ADGRV1: variants seen among roughly 807,000 people sequenced by gnomAD.
ADGRV1 encodes G-protein coupled receptor 98.
Under a neutral mutation model 596.2 loss-of-function variants are expected in ADGRV1, and 359 were observed. The observed-to-expected ratio is 0.60, with a 90% CI of 0.55 to 0.66. The LOEUF is 0.66. ADGRV1 is among the 30% of genes least tolerant of loss of function. The probability of loss-of-function intolerance (pLI) is 0.00; values close to 1 mark genes in which losing one functional copy is unlikely to be tolerated. For synonymous variants in ADGRV1, 2,681 were observed against 2,679.2 expected, an observed-to-expected ratio of 1.00 and a Z score of -0.02; for missense variants, 7,274 against 7,575.6, an observed-to-expected ratio of 0.96 and a Z score of 1.48.
At chr5:90,961,498 A>G in intron 83 of ADGRV1, among the ~76,000 whole-genome samples, 1 of 131,592 alleles carries the variant, frequency 7.6e-6, no homozygotes, top group South Asian at 2.7e-4. Context: ...AAAAAAAAAA[A>G]AAAAAAAAAG....
intron 85 of ADGRV1, among the ~76,000 whole-genome samples, chr5:91,032,403 G>A (rs1053681830): frequency 6.6e-6 from 1 of 152,148 alleles, no homozygotes; most frequent in Non-Finnish European, 1.5e-5. Context: ...AAAATGATAG[G>A]CGTTTGGATT....
In ADGRV1 at chr5:90,721,607, A is replaced by T. The variant is rs1019658473; in HGVS notation, c.9748+548A>T. Among the ~76,000 whole-genome samples the T allele has an allele frequency of 5.8e-4, 79 of 136,236 alleles. 4 individuals carry two copies. The highest frequency in any genetic ancestry group is 2.2e-3 in the African/African-American group (75 of 34,710). 89.4% of individuals were successfully genotyped at this position (136,236 alleles called of 152,430 possible). On this transcript the variant is annotated intron_variant, in intron 45 of 89. Transcript: ENST00000405460. ...AAAATAAAATATGTATTTAGTGCCTATGCCAGGCATGGCACTGAACTCGTG... is the reference window on the plus strand; with the variant it reads ...AAAATAAAATATGTATTTAGTGCCTTTGCCAGGCATGGCACTGAACTCGTG...
At chr5:90,661,994 C>T (rs1294223399) in intron 21 of ADGRV1, among the ~76,000 whole-genome samples, 1 of 152,030 alleles carries the variant, frequency 6.6e-6, no homozygotes, top group Admixed American at 6.6e-5. Flanking sequence ...ACTCAGGACC[C>T]CATTCCTGGA....
chr5:91,056,830 C>T (rs1475634417), intron 85 of ADGRV1, among the ~76,000 whole-genome samples: 1 of 152,248 alleles, frequency 6.6e-6, no homozygotes, highest in Admixed American at 6.5e-5. Flanking sequence ...CAAGTTGTCT[C>T]CACTGCTTTA....
At chr5:90,837,972 A>G (rs1015690803) in intron 77 of ADGRV1, among the ~76,000 whole-genome samples, 1 of 151,994 alleles carries the variant, frequency 6.6e-6, no homozygotes, top group African/African-American at 2.4e-5. Context: ...TTCTATTCTT[A>G]TATATTATTT....
At chr5:90,640,220 A>C (rs1391766291) in intron 11 of ADGRV1, among the ~76,000 whole-genome samples, 1 of 152,156 alleles carries the variant, frequency 6.6e-6, no homozygotes, top group African/African-American at 2.4e-5. Flanking sequence ...TTGAAAATGA[A>C]ATACACTGTG....
intron 29 of ADGRV1, among the ~76,000 whole-genome samples, chr5:90,688,261 T>C (rs1351444619): frequency 1.3e-5 from 2 of 152,130 alleles, no homozygotes; most frequent in Non-Finnish European, 1.5e-5. Context: ...AACTATCTGA[T>C]CTTTGACAAA....
At chr5:90,679,112 G>C (rs1744612691) in intron 25 of ADGRV1, among the ~76,000 whole-genome samples, 1 of 152,142 alleles carries the variant, frequency 6.6e-6, no homozygotes, top group South Asian at 2.1e-4. Context: ...TGGATGGAAG[G>C]AAAGGTTAGA....
intron 83 of ADGRV1, among the ~76,000 whole-genome samples, chr5:90,875,421 A>G (rs1349768373): frequency 6.6e-6 from 1 of 152,196 alleles, no homozygotes; most frequent in African/African-American, 2.4e-5. Context: ...CTGGATCCTA[A>G]TTGAATTTGT....
intron 52 of ADGRV1, among the ~76,000 whole-genome samples, chr5:90,747,863 G>C (rs1754802115): frequency 6.6e-6 from 1 of 152,188 alleles, no homozygotes; most frequent in Non-Finnish European, 1.5e-5. Context: ...AGTCAGGTCT[G>C]CTGTGTGAAC....
At chr5:90,908,293 C>T (rs1163464956) in intron 83 of ADGRV1, among the ~76,000 whole-genome samples, 3 of 152,090 alleles carry the variant, frequency 2.0e-5, no homozygotes, top group African/African-American at 7.2e-5. Context: ...AACTATTTGA[C>T]ATAGGCATGC....
chr5:91,029,739 T>C (rs1430029824), intron 85 of ADGRV1, among the ~76,000 whole-genome samples: 1 of 152,144 alleles, frequency 6.6e-6, no homozygotes, highest in African/African-American at 2.4e-5. Context: ...CATTTGTCAA[T>C]TAAATACATT....
chr5:90,635,240 A>G lies in ADGRV1; in HGVS notation c.1966A>G (p.Ser656Gly). Residue 656 changes from serine (S) to glycine (G), a missense_variant, in exon 10 of 90, where the codon AGC becomes GGC. Transcript: ENST00000405460. ...TGCAAATGGAGAAATTGGCTTTCTC[A>G]GCAATCTTCCAATTATTTTGCATGA... The part of the protein sequence containing the change: ...AIANGEIGFL[S>G]NLPIILHEPE... 6.2e-7 allele frequency: 1 copy of G among 1,612,816 alleles called. No homozygotes were observed. Among genetic ancestry groups the G allele is most frequent in the Non-Finnish European group, 8.5e-7 (1 of 1,179,564 alleles).
chr5:90,706,924 A>G (rs553871796), intron 38 of ADGRV1, among the ~76,000 whole-genome samples: 13 of 151,912 alleles, frequency 8.6e-5, no homozygotes, highest in African/African-American at 2.7e-4. Context: ...GTTTAGATAG[A>G]CAGGCCTGCT....
Position 90,815,606 on chromosome 5 carries a change from T to G in ADGRV1, c.16079-13T>G. On this transcript the variant is annotated splice_polypyrimidine_tract_variant and intron_variant, in intron 74 of 89. Coordinates refer to ENST00000405460, the MANE Select transcript of ADGRV1 (RefSeq NM_032119.4). Reference sequence around the variant, plus strand: ...TTCTTGAATATATTATAGCCCTCCATTCTTTTTTTCAGGGAGTGACCTTCA... The same window carrying G: ...TTCTTGAATATATTATAGCCCTCCAGTCTTTTTTTCAGGGAGTGACCTTCA... The G allele has an allele frequency of 7.2e-7, 1 of 1,398,250 alleles. No homozygotes were observed. The highest frequency in any genetic ancestry group is 9.9e-7 in the Non-Finnish European group (1 of 1,005,110). 86.6% of individuals were successfully genotyped at this position (1,398,250 alleles called of 1,614,324 possible).
At chr5:90,966,550 ATAGAAAG>A (rs1476855733) in intron 84 of ADGRV1, among the ~76,000 whole-genome samples, 1 of 144,642 alleles carries the variant, frequency 6.9e-6, no homozygotes, top group Non-Finnish European at 1.5e-5. Flanking sequence ...AAAAAAAAAA[ATAGAAAG>A]AAAGAAAGAA....
chr5:90,665,052 A>G (rs2149504746), intron 21 of ADGRV1, among the ~76,000 whole-genome samples: 1 of 151,116 alleles, frequency 6.6e-6, no homozygotes, highest in South Asian at 2.1e-4. Context: ...AGTGTTCATC[A>G]AGGATATTGG....
intron 83 of ADGRV1, among the ~76,000 whole-genome samples, chr5:90,905,134 C>G (rs1772195756): frequency 6.6e-6 from 1 of 151,998 alleles, no homozygotes; most frequent in Non-Finnish European, 1.5e-5. Context: ...GTTTTGATTA[C>G]TACAACTGTG....
chr5:91,062,291 A>G (rs1302958607), intron 85 of ADGRV1, among the ~76,000 whole-genome samples: 2 of 152,186 alleles, frequency 1.3e-5, no homozygotes, highest in African/African-American at 4.8e-5. Flanking sequence ...GTCCCTGTCA[A>G]ATTCTCAAGG....
Sources: allele counts gnomAD v4.1 joint callset (sites outside exome capture counted in the v4.1 genomes callset), GRCh38; gene constraint gnomAD v4.1.1; transcripts MANE v1.5; gene names NCBI Gene and HGNC (gene_info 2026-07-23, HGNC 2026-07-21).